RAPGEF2: variants seen among roughly 807,000 people sequenced by gnomAD.
RAPGEF2 encodes Rap guanine nucleotide exchange factor 2.
Under a neutral mutation model 186.7 loss-of-function variants are expected in RAPGEF2, and 54 were observed. That is an observed-to-expected ratio of 0.29 (90% CI 0.23 to 0.36). RAPGEF2 has a LOEUF of 0.36. RAPGEF2 is among the 10% of genes least tolerant of loss of function. The pLI is 1.00. For missense variants in RAPGEF2, 1,532 were observed against 2,045.0 expected (o/e 0.75, Z 4.84); for synonymous variants, 712 against 705.9 (o/e 1.01, Z -0.14).
At chr4:159,128,707 G>C (rs1283373996) in intron 1 of RAPGEF2, 1 of 151,624 alleles carries the variant, frequency 6.6e-6, no homozygotes, top group African/African-American at 2.4e-5. Context: ...AACATTTTCA[G>C]ACTTCAAAGA....
intron 7 of RAPGEF2, among the ~76,000 whole-genome samples, chr4:159,268,841 A>C (rs1047922023): frequency 2.6e-5 from 4 of 152,130 alleles, no homozygotes; most frequent in Non-Finnish European, 5.9e-5. Flanking sequence ...GCCTAACACC[A>C]AGTCAGAGCC....
intron 1 of RAPGEF2, among the ~76,000 whole-genome samples, chr4:159,119,144 T>C (rs1350139534): frequency 1.3e-5 from 2 of 152,172 alleles, no homozygotes; most frequent in Admixed American, 6.5e-5. Context: ...GGCTTATTTT[T>C]TTTATATACA....
intron 4 of RAPGEF2, among the ~76,000 whole-genome samples, chr4:159,220,447 T>C (rs1390056589): frequency 6.6e-6 from 1 of 152,098 alleles, no homozygotes; most frequent in Admixed American, 6.5e-5. Flanking sequence ...GGATGAGAGA[T>C]GTAGGTCAGT....
intron 7 of RAPGEF2, among the ~76,000 whole-genome samples, chr4:159,303,915 A>C (rs1026440979): frequency 3.3e-5 from 5 of 152,094 alleles, no homozygotes; most frequent in Admixed American, 6.6e-5. Flanking sequence ...TCTCTTTTTT[A>C]ACCTTTAAAC....
chr4:159,248,779 C>A (rs1754955494), intron 7 of RAPGEF2, among the ~76,000 whole-genome samples: 1 of 152,200 alleles, frequency 6.6e-6, no homozygotes, highest in African/African-American at 2.4e-5. Flanking sequence ...AAAATGATTT[C>A]TCATGCTATT....
intron 1 of RAPGEF2, among the ~76,000 whole-genome samples, chr4:159,139,052 AT>A (rs1191569818): frequency 6.6e-6 from 1 of 152,230 alleles, no homozygotes; most frequent in East Asian, 1.9e-4. Context: ...ATAAGTCATA[AT>A]GGTGTAAAGC....
At chr4:159,309,202 G>T (rs1476168623) in intron 8 of RAPGEF2, among the ~76,000 whole-genome samples, 3 of 152,116 alleles carry the variant, frequency 2.0e-5, no homozygotes, top group African/African-American at 7.2e-5. Context: ...ATCCTTTTCA[G>T]CCTTTGTTTT....
chr4:159,352,895 A>C lies in RAPGEF2; in HGVS notation c.4076A>C (p.Asp1359Ala). The C allele has an allele frequency of 1.2e-6, 2 of 1,614,012 alleles. No homozygotes were observed. The highest frequency in any genetic ancestry group is 1.6e-4 in the Middle Eastern group (1 of 6,062). The change falls in exon 27 of 30, where the codon GAT becomes GCT. Residue 1359 changes from aspartate to alanine, a missense_variant. Physicochemically the swap from Asp to Ala is moderately radical, Grantham distance 126. This residue lies in a region of RAPGEF2 where 594 missense variants were observed against 608.5 expected (regional missense o/e 0.98). Transcript: ENST00000691494. ...GAGAGGCGGACCATGATTGAACCTG[A>C]TCAGTATAGCTTGGGGTAGGTGGCT... is the stretch of plus-strand genomic sequence containing the variant. ...RMERRTMIEP[D>A]QYSLGSYAPM...
At chr4:159,339,066 T>C in intron 18 of RAPGEF2, 48 bp from the exon 19 acceptor site, 1 of 1,577,462 alleles carries the variant, frequency 6.3e-7, no homozygotes, top group Non-Finnish European at 8.6e-7. Context: ...TGCATTGCCA[T>C]ATATTAAAAT....
At chr4:159,307,368 C>T (rs974226798) in intron 8 of RAPGEF2, among the ~76,000 whole-genome samples, 1 of 152,070 alleles carries the variant, frequency 6.6e-6, no homozygotes, top group Non-Finnish European at 1.5e-5. Flanking sequence ...TAGTTATATA[C>T]TTTTCTCAGT....
At chr4:159,147,157 A>G (rs1379959822) in intron 1 of RAPGEF2, among the ~76,000 whole-genome samples, 8 of 152,206 alleles carry the variant, frequency 5.3e-5, no homozygotes, top group Admixed American at 5.2e-4. Context: ...ATCTGAAACT[A>G]AACATTAATG....
At chr4:159,290,755 A>G (rs1362127395) in intron 7 of RAPGEF2, among the ~76,000 whole-genome samples, 1 of 128,896 alleles carries the variant, frequency 7.8e-6, no homozygotes, top group African/African-American at 3.4e-5. Context: ...TAAGGTTTAC[A>G]AAAAAAAAAA....
intron 7 of RAPGEF2, among the ~76,000 whole-genome samples, chr4:159,292,183 C>G (rs1345594046): frequency 6.6e-6 from 1 of 152,172 alleles, no homozygotes; most frequent in Non-Finnish European, 1.5e-5. Context: ...AATCCAAACT[C>G]TTTACCATAG....
intron 7 of RAPGEF2, among the ~76,000 whole-genome samples, chr4:159,264,741 A>G (rs1248805806): frequency 1.3e-5 from 2 of 152,126 alleles, no homozygotes; most frequent in African/African-American, 4.8e-5. Context: ...CCATCAAACA[A>G]TAACTCCCCA....
At chr4:159,162,727 G>T (rs1260348862) in intron 1 of RAPGEF2, among the ~76,000 whole-genome samples, 1 of 152,142 alleles carries the variant, frequency 6.6e-6, no homozygotes, top group Non-Finnish European at 1.5e-5. Flanking sequence ...TTGATTCTCA[G>T]GTTATAAGTA....
At chr4:159,114,237 G>A (rs1276331000) in intron 1 of RAPGEF2, among the ~76,000 whole-genome samples, 1 of 151,810 alleles carries the variant, frequency 6.6e-6, no homozygotes, top group African/African-American at 2.4e-5. Flanking sequence ...CTAAGTAGCT[G>A]GGATTACAGG....
intron 7 of RAPGEF2, among the ~76,000 whole-genome samples, chr4:159,255,441 T>C (rs77015851): frequency 0.017 from 2,661 of 152,242 alleles, 94 homozygotes; most frequent in African/African-American, 0.061. Context: ...AAGTGACCAG[T>C]TTCCCTTGTT....
chr4:159,252,247 G>A (rs1170167565), intron 7 of RAPGEF2, among the ~76,000 whole-genome samples: 1 of 152,076 alleles, frequency 6.6e-6, no homozygotes, highest in African/African-American at 2.4e-5. Flanking sequence ...ACAGGGTTTC[G>A]CCATATTGCC....
At chr4:159,221,488 A>G (rs1751533976) in intron 4 of RAPGEF2, among the ~76,000 whole-genome samples, 1 of 152,154 alleles carries the variant, frequency 6.6e-6, no homozygotes, top group South Asian at 2.1e-4. Flanking sequence ...TCATGTGGCT[A>G]CTTCAGGCCA....
Sources: allele counts gnomAD v4.1 joint callset (sites outside exome capture counted in the v4.1 genomes callset), GRCh38; gene constraint gnomAD v4.1.1; regional missense constraint gnomAD v4.1.1; transcripts MANE v1.5; gene names NCBI Gene and HGNC (gene_info 2026-07-23, HGNC 2026-07-21).